CDCA5: variants seen among roughly 807,000 people sequenced by gnomAD.
CDCA5 encodes the protein cell division cycle associated 5, also known as sororin.
In CDCA5, 14 loss-of-function variants were observed where a neutral mutation model predicts 25.7. The ratio of observed to expected loss-of-function variants is 0.54; its 90% confidence interval spans 0.36 to 0.85. The LOEUF is 0.85. Among genes scored for constraint, CDCA5 ranks in the 40% least tolerant of loss-of-function variants. The pLI, the probability that CDCA5 is intolerant of heterozygous loss-of-function variation, is 0.01. For synonymous variants in CDCA5, 127 were observed against 128.7 expected, an observed-to-expected ratio of 0.99 and a Z score of 0.09; for missense variants, 307 against 324.5, an observed-to-expected ratio of 0.95 and a Z score of 0.41.
At chr11:65,068,190 A>T (rs1184382696) in intron 2 of CDCA5, 32 of 980,868 alleles carry the variant, frequency 3.3e-5, no homozygotes, top group Non-Finnish European at 4.4e-5. Flanking sequence ...GTCCTCCCAC[A>T]CCCCCCATCC....
downstream of CDCA5, among the ~76,000 whole-genome samples, chr11:65,077,164 G>A (rs553955749): frequency 1.3e-5 from 2 of 152,294 alleles, no homozygotes; most frequent in African/African-American, 4.8e-5. Context: ...GTGGGCACCT[G>A]TAACCCCAGC....
chr11:65,071,712 T>A lies in CDCA5; in HGVS notation c.64-3111A>T, dbSNP rs1187252209. On this transcript the variant is annotated intron_variant, in intron 1 of 6. Transcript: ENST00000525464. ...CACTATGGCCACATGTTGGTGCCCA[T>A]CAGAGGACACTGGGAGGCATGAAAA... Among the ~76,000 whole-genome samples the A allele has an allele frequency of 2.0e-5, 3 of 152,212 alleles. No homozygotes were observed. In the East Asian group the frequency reaches 5.8e-4, roughly 29 times the overall value.
chr11:65,078,877 CAA>C lies in CDCA5; in HGVS notation c.*228_*229del. ...TGGGGAGATAGGAAGGACAGGACGA[CAA>C]GAGACAGGACACCAGTGAGTGGCTG... On this transcript the variant is annotated 3_prime_UTR_variant, in exon 6 of 6. Coordinates refer to ENST00000275517, the MANE Select transcript of CDCA5 (RefSeq NM_080668.4). The C allele has an allele frequency of 8.1e-7, 1 of 1,237,998 alleles. No individual in the cohort carries two copies. Among genetic ancestry groups the C allele is most frequent in the South Asian group, 3.9e-5 (1 of 25,854 alleles). 76.7% of individuals were successfully genotyped at this position (1,237,998 alleles called of 1,614,324 possible). A position where few individuals can be genotyped will look rare whatever the true frequency, so the allele number is the denominator to read the frequency against.
intron 4 of CDCA5, chr11:65,067,574 C>T: frequency 1.2e-6 from 1 of 822,570 alleles, no homozygotes. Flanking sequence ...GCCACGTGGG[C>T]CCTGACCTGA....
chr11:65,075,527 G>A (rs1947427771), downstream of CDCA5, among the ~76,000 whole-genome samples: 1 of 151,104 alleles, frequency 6.6e-6, no homozygotes, highest in Admixed American at 6.6e-5. Context: ...CAGGAGGCTA[G>A]TGCAATTGTC....
downstream of CDCA5, among the ~76,000 whole-genome samples, chr11:65,062,855 A>G (rs1217682529): frequency 2.0e-5 from 3 of 152,036 alleles, no homozygotes; most frequent in Admixed American, 6.6e-5. Context: ...CATTGCATCT[A>G]TCCTCATGTT....
At chr11:65,083,328 G>A (rs376869026) in intron 4 of CDCA5, 36 bp downstream of exon 4, 1 of 1,611,414 alleles carries the variant, frequency 6.2e-7, no homozygotes, top group Non-Finnish European at 8.5e-7. Flanking sequence ...GAGTGACCCA[G>A]ATTCTACTTA....
chr11:65,066,602 C>T, exon 6 of CDCA5: 1 of 1,289,412 alleles, frequency 7.8e-7, no homozygotes, highest in East Asian at 5.5e-5. Context: ...GCAGGGCCTT[C>T]ACTTCATCCT....
downstream of CDCA5, among the ~76,000 whole-genome samples, chr11:65,072,938 CTTTTTTTT>C (rs751923442): frequency 8.0e-5 from 8 of 99,956 alleles, no homozygotes; most frequent in East Asian, 2.8e-4. Context: ...TTATTTCATT[CTTTTTTTT>C]TTTTTTTTTT....
Position 65,079,758 on chromosome 11 carries a change from C to G in CDCA5, c.273G>C (p.Glu91Asp). ...RISFFLEKENEPPGRELTKED... is the reference protein window; with the variant it reads ...RISFFLEKENDPPGRELTKED... ...CCTTAGTAAGCTCCCTGCCAGGGGG[C>G]TCGTTTTCTTTCTCCAAGAAAAAGG... is the stretch of plus-strand genomic sequence containing the variant. Residue 91 changes from glutamate to aspartate, a missense_variant, in exon 5 of 6, where the codon GAG (glutamate) becomes GAC (aspartate). Transcript: ENST00000275517. 5.4e-6 allele frequency: 8 copies of G among 1,484,192 alleles called. No homozygotes were observed. The highest frequency in any genetic ancestry group is 7.2e-6 in the Non-Finnish European group (8 of 1,116,576). The allele number at this position is 1,484,192 out of a possible 1,614,324, so 91.9% of individuals were successfully genotyped here. A position where few individuals can be genotyped will look rare whatever the true frequency, so the allele number is the denominator to read the frequency against.
Position 65,078,274 on chromosome 11 carries a change from TG to T in CDCA5, c.*832del. On this transcript the variant is annotated 3_prime_UTR_variant, in exon 6 of 6. Transcript: ENST00000275517. ...GCCACCTTCCACCCCTGCAGCAGAG[TG>T]GTAAGACTCCAGCGTGGGCCCTGTG... 1 of 985,180 alleles carries T rather than the reference TG, an allele frequency of 1.0e-6. No individual in the cohort carries two copies. The highest frequency in any genetic ancestry group is 1.2e-6 in the Non-Finnish European group (1 of 829,890). 61.0% of individuals were successfully genotyped at this position (985,180 alleles called of 1,614,324 possible). A position where few individuals can be genotyped will look rare whatever the true frequency, so the allele number is the denominator to read the frequency against.
Position 65,079,591 on chromosome 11 carries a change from C to G in CDCA5, c.440G>C (p.Ser147Thr). 1 of 1,613,218 alleles carries G rather than the reference C, an allele frequency of 6.2e-7. No homozygotes were observed. The highest frequency in any genetic ancestry group is 8.5e-7 in the Non-Finnish European group (1 of 1,179,512). Residue 147 changes from serine to threonine, a missense_variant, in exon 5 of 6, where the codon AGC (serine) becomes ACC (threonine). Ser to Thr is a moderately conservative substitution (Grantham distance 58). Transcript: ENST00000275517. ...EMSKKVRRSYSRLETLGSAST... is the reference protein window; with the variant it reads ...EMSKKVRRSYTRLETLGSAST... ...GGCAGAGCCCAGGGTCTCCAGCCGG[C>G]TGTAGGAACGCCTGACTTTCTTAGA...
chr11:65,066,488 A>G (rs1434901740), intron 6 of CDCA5: 2 of 1,288,936 alleles, frequency 1.6e-6, no homozygotes, highest in Middle Eastern at 2.1e-4. Context: ...AGGCAGAGAC[A>G]GCTCGAGTGA....
chr11:65,071,155 G>A (rs1451375144), intron 1 of CDCA5, among the ~76,000 whole-genome samples: 1 of 151,624 alleles, frequency 6.6e-6, no homozygotes, highest in Non-Finnish European at 1.5e-5. Context: ...TGTTAGCCAG[G>A]ATGGTCTCGA....
At chr11:65,072,118 T>C (rs1947353266) in intron 1 of CDCA5, among the ~76,000 whole-genome samples, 1 of 152,268 alleles carries the variant, frequency 6.6e-6, no homozygotes, top group African/African-American at 2.4e-5. Context: ...CTGCTTTGCA[T>C]ATGACATCAA....
intron 4 of CDCA5, 73 bp downstream of exon 4, chr11:65,083,291 G>T (rs1947612495): frequency 6.4e-7 from 1 of 1,564,982 alleles, no homozygotes; most frequent in Non-Finnish European, 8.8e-7. Context: ...GCAGATGTGA[G>T]GAGCCAATGT....
chr11:65,070,125 C>T (rs1464519903), intron 1 of CDCA5, among the ~76,000 whole-genome samples: 1 of 152,226 alleles, frequency 6.6e-6, no homozygotes, highest in Non-Finnish European at 1.5e-5. Flanking sequence ...CTGCGAAGGG[C>T]CCAAGACAGG....
chr11:65,079,337 C>T lies in CDCA5; in HGVS notation c.678+16G>A. 6.2e-7 allele frequency: 1 copy of T among 1,614,086 alleles called. No homozygotes were observed. The highest frequency in any genetic ancestry group is 1.1e-5 in the South Asian group (1 of 91,078). On this transcript the variant is annotated intron_variant, in intron 5 of 5. Coordinates refer to ENST00000275517, the MANE Select transcript of CDCA5 (RefSeq NM_080668.4). Reference sequence around the variant, plus strand: ...CCAGAGCACACGGCAGAGAAAAACCCCTGCCTCTCACTCACCAAGATCTCT... The same window carrying T: ...CCAGAGCACACGGCAGAGAAAAACCTCTGCCTCTCACTCACCAAGATCTCT...
chr11:65,072,938 C>CTTTTT (rs751923442), downstream of CDCA5, among the ~76,000 whole-genome samples: 89 of 99,932 alleles, frequency 8.9e-4, no homozygotes, highest in East Asian at 1.7e-3. Context: ...TTATTTCATT[C>CTTTTT]TTTTTTTTTT....
Sources: gnomAD v4.1 joint callset for allele counts (sites outside exome capture counted in the v4.1 genomes callset) on GRCh38, gnomAD v4.1.1 for gene constraint, MANE v1.5 for transcripts, NCBI Gene and HGNC (gene_info 2026-07-23, HGNC 2026-07-21) for gene names.